Variants in CHDH observed in about 807,000 individuals in gnomAD.
CHDH encodes choline dehydrogenase, mitochondrial.
Under a neutral mutation model 56.9 loss-of-function variants are expected in CHDH, and 43 were observed. The observed-to-expected ratio is 0.76, with a 90% CI of 0.59 to 0.97. The LOEUF is 0.97. CHDH is among the 50% of genes least tolerant of loss of function. The pLI is 0.00. For missense variants in CHDH, 816 were observed against 821.1 expected, an observed-to-expected ratio of 0.99 and a Z score of 0.08; for synonymous variants, 364 against 348.5, an observed-to-expected ratio of 1.04 and a Z score of -0.50.
rs77710411 is a variant in CHDH, at chr3:53,842,110, A to C, written c.-130-1111T>G. On this transcript the variant is annotated intron_variant, in intron 1 of 8. Coordinates refer to ENST00000315251, the MANE Select transcript of CHDH (RefSeq NM_018397.5). ...ACTGCACTCCAGCCTTGGCAACAGG[A>C]CAACACTCTGTCTCAAAAAAAAAAA... Among the ~76,000 whole-genome samples, 899 of 151,644 alleles carry C rather than the reference A, an allele frequency of 5.9e-3. 23 individuals are homozygous for C. The East Asian group carries it at 0.098, about 16-fold the overall frequency.
At chr3:53,836,249 C>T (rs1698489922) in intron 2 of CHDH, among the ~76,000 whole-genome samples, 1 of 152,172 alleles carries the variant, frequency 6.6e-6, no homozygotes, top group Non-Finnish European at 1.5e-5. Context: ...CTCATGCCAC[C>T]CCCAACCCAG....
Position 53,845,186 on chromosome 3 carries a change from CAG to C in CHDH, c.-131+895_-131+896del, listed in dbSNP as rs145634082. Among the ~76,000 whole-genome samples, 678 of 152,334 alleles carry C rather than the reference CAG, an allele frequency of 4.5e-3. 13 individuals are homozygous for C. The East Asian group carries it at 0.058, about 13-fold the overall frequency. ...TCAACTGAGTTCCTTGGTCAGGAAA[CAG>C]AGCAATTCTCTGAAAATGCTACCTG... On this transcript the variant is annotated intron_variant, in intron 1 of 8. Transcript: ENST00000315251.
chr3:53,837,847 C>T (rs1317208463), intron 2 of CHDH, among the ~76,000 whole-genome samples: 1 of 152,030 alleles, frequency 6.6e-6, no homozygotes, highest in Non-Finnish European at 1.5e-5. Flanking sequence ...CACCTAAGGT[C>T]AGGAGTTCAA....
At position 53,821,717 on chromosome 3, in the gene CHDH, G is replaced by A. The variant is rs945939054; in HGVS notation, c.915C>T (p.Leu305=). The change falls in exon 5 of 9, where the codon CTC becomes CTT. Residue 305 remains leucine, a synonymous_variant. Coordinates refer to ENST00000315251, the MANE Select transcript of CHDH (RefSeq NM_018397.5). ...CAGCATTCCCGATGCCAGAGAGCAT[G>A]AGCAGCTGTGGAGAGTTGATGGCAC... ...SGGAINSPQL[L]MLSGIGNADD... is the part of the protein sequence containing the mutation. The A allele has an allele frequency of 5.0e-6, 8 of 1,613,974 alleles. No homozygotes were observed. In the Admixed American group the frequency reaches 5.0e-5, roughly 10 times the overall value.
chr3:53,821,176 G>A (rs1006155259), intron 5 of CHDH, among the ~76,000 whole-genome samples: 2 of 152,284 alleles, frequency 1.3e-5, no homozygotes, highest in African/African-American at 4.8e-5. Flanking sequence ...GCAAGAGACA[G>A]AGCCCGACCC....
Position 53,823,613 on chromosome 3 carries a change from TGAG to T in CHDH, c.393_395del (p.Ser133del). 2 of 1,543,830 alleles carry T rather than the reference TGAG, an allele frequency of 1.3e-6. No individual in the cohort carries two copies. The highest frequency in any genetic ancestry group is 1.7e-6 in the Non-Finnish European group (2 of 1,146,190). On this transcript the variant is annotated inframe_deletion, in exon 3 of 9. Transcript: ENST00000315251. ...GGACGTAGACCATGGCATTGAGGGATGAGGAGCCACCCCAGACGCGGCCGCGTG... is the reference window on the plus strand; with the variant it reads ...GGACGTAGACCATGGCATTGAGGGATGAGCCACCCCAGACGCGGCCGCGTG...
intron 2 of CHDH, among the ~76,000 whole-genome samples, chr3:53,834,894 T>G (rs1698449808): frequency 6.6e-6 from 1 of 152,206 alleles, no homozygotes; most frequent in Non-Finnish European, 1.5e-5. Flanking sequence ...GACAGAACTC[T>G]GGAGAGAGGC....
chr3:53,825,070 G>C (rs774546605), intron 2 of CHDH, among the ~76,000 whole-genome samples: 19 of 152,174 alleles, frequency 1.2e-4, no homozygotes, highest in Non-Finnish European at 2.6e-4. Flanking sequence ...CTGGAACACT[G>C]AGAAGAACTC....
intron 8 of CHDH, among the ~76,000 whole-genome samples, 198 bp from the exon 9 acceptor site, chr3:53,818,393 G>A (rs950088869): frequency 3.3e-5 from 5 of 152,186 alleles, no homozygotes; most frequent in Non-Finnish European, 7.4e-5. Flanking sequence ...GTAGCTCAAA[G>A]GTAGCATCCT....
Position 53,819,510 on chromosome 3 carries a change from C to T in CHDH, c.1263+22G>A, listed in dbSNP as rs373914197. 2.0e-5 allele frequency: 32 copies of T among 1,586,160 alleles called. No homozygotes were observed. Among genetic ancestry groups the T allele is most frequent in the Admixed American group, 1.6e-4 (9 of 55,982 alleles). On this transcript the variant is annotated intron_variant, in intron 7 of 8. Coordinates refer to ENST00000315251, the MANE Select transcript of CHDH (RefSeq NM_018397.5). The surrounding 1 kb of genome is among the most constrained non-coding windows in gnomAD (Gnocchi z 5.4). Reference sequence around the variant, plus strand: ...GTGGGAAGGAGACATCCTGGGAAGCCGAGGCTCTTCCACCTGCTCACCTGG... The same window carrying T: ...GTGGGAAGGAGACATCCTGGGAAGCTGAGGCTCTTCCACCTGCTCACCTGG...
At position 53,823,311 on chromosome 3, in the gene CHDH, T is replaced by C. The variant is rs1240114269; in HGVS notation, c.698A>G (p.His233Arg). Reference protein sequence around the residue: ...EGFGWMDMTIHEGKRWSAACA... With the variant: ...EGFGWMDMTIREGKRWSAACA... Reference sequence around the variant, plus strand: ...AAGAGAAGGGAGACCACTACCTTCATGGATGGTCATGTCCATCCAGCCGAA... The same window carrying C: ...AAGAGAAGGGAGACCACTACCTTCACGGATGGTCATGTCCATCCAGCCGAA... Residue 233 changes from histidine to arginine, a missense_variant, in exon 3 of 9, where the codon CAT (histidine) becomes CGT (arginine). Transcript: ENST00000315251. The C allele has an allele frequency of 1.9e-6, 3 of 1,555,774 alleles. No homozygotes were observed. The highest frequency in any genetic ancestry group is 2.6e-6 in the Non-Finnish European group (3 of 1,148,838).
chr3:53,822,918 G>A (rs2095630556), intron 3 of CHDH, among the ~76,000 whole-genome samples: 1 of 152,180 alleles, frequency 6.6e-6, no homozygotes, highest in Admixed American at 6.5e-5. Flanking sequence ...GAGCCTTCAA[G>A]AGGCAGGCAG....
chr3:53,823,394 G>T lies in CHDH; in HGVS notation c.615C>A (p.Ala205=). The T allele has an allele frequency of 6.2e-7, 1 of 1,605,160 alleles. No individual in the cohort carries two copies. The highest frequency in any genetic ancestry group is 1.7e-5 in the Admixed American group (1 of 59,230). ...TGAGCGGGTAGCCGGCCTGCTGCGT[G>T]GCCTCCAGGAATGCGCAGTGCAGCG... ...NHPLHCAFLE[A]TQQAGYPLTE... The change falls in exon 3 of 9, where the codon GCC becomes GCA. Residue 205 remains alanine, a synonymous_variant. Transcript: ENST00000315251.
chr3:53,833,551 TG>T (rs1000124129), intron 2 of CHDH, among the ~76,000 whole-genome samples: 10 of 152,166 alleles, frequency 6.6e-5, no homozygotes, highest in Non-Finnish European at 1.5e-4. Flanking sequence ...ATTGGCAGGA[TG>T]GAAGGTGGGC....
chr3:53,823,338 C>T lies in CHDH; in HGVS notation c.671G>A (p.Gly224Asp). ...GATGGTCATGTCCATCCAGCCGAAG[C>T]CCTCCTGCTGGAAGCCATTCATGTC... Reference protein sequence around the residue: ...TEDMNGFQQEGFGWMDMTIHE... With the variant: ...TEDMNGFQQEDFGWMDMTIHE... Residue 224 changes from glycine (G) to aspartate (D), a missense_variant, in exon 3 of 9, where the codon GGC becomes GAC. Transcript: ENST00000315251. 6.3e-7 allele frequency: 1 copy of T among 1,590,306 alleles called. No homozygotes were observed. The highest frequency in any genetic ancestry group is 2.3e-5 in the East Asian group (1 of 44,158).
rs1354715481 is a variant in CHDH, at chr3:53,823,196, CCCATGCCTCCTGA to C, written c.703+97_703+109del. ...TCCCGGTCGTGCCAGCCTCAGTCTG[CCCATGCCTCCTGA>C]CCATGCTGGAGCCAGGAGCCTGGAG... is the stretch of plus-strand genomic sequence containing the variant. On this transcript the variant is annotated intron_variant, in intron 3 of 8. Coordinates refer to ENST00000315251, the MANE Select transcript of CHDH (RefSeq NM_018397.5). 8 of 1,024,024 alleles carry C rather than the reference CCCATGCCTCCTGA, an allele frequency of 7.8e-6. No homozygotes were observed. The East Asian group carries it at 1.4e-4, about 17-fold the overall frequency. The allele number at this position is 1,024,024 out of a possible 1,614,324, so 63.4% of individuals were successfully genotyped here.
At chr3:53,836,696 A>G (rs1698507032) in intron 2 of CHDH, among the ~76,000 whole-genome samples, 1 of 152,194 alleles carries the variant, frequency 6.6e-6, no homozygotes, top group Middle Eastern at 3.2e-3. Flanking sequence ...GGCCAAGGGG[A>G]CACATGCAGG....
chr3:53,821,799 A>G (rs755185462), intron 4 of CHDH, 23 bp from the exon 5 acceptor site: 8 of 1,611,226 alleles, frequency 5.0e-6, no homozygotes, highest in Non-Finnish European at 6.8e-6. Context: ...CAGCCAGGTC[A>G]CTCCCTGAAA....
In CHDH at chr3:53,817,332, G is replaced by C. The variant is rs2095617569; in HGVS notation, c.*445C>G. ...AACTACTGTGTGACTTACTGCCTCA[G>C]CTAAAGCTTGCAGCTCAAGAAGGAG... On this transcript the variant is annotated 3_prime_UTR_variant, in exon 9 of 9. Coordinates refer to ENST00000315251, the MANE Select transcript of CHDH (RefSeq NM_018397.5). 1 of 168,972 alleles carries C rather than the reference G, an allele frequency of 5.9e-6. No individual in the cohort carries two copies. Among genetic ancestry groups the C allele is most frequent in the South Asian group, 1.6e-4 (1 of 6,098 alleles). The allele number at this position is 168,972 out of a possible 1,614,324, so 10.5% of individuals were successfully genotyped here. A position where few individuals can be genotyped will look rare whatever the true frequency, so the allele number is the denominator to read the frequency against.
Sources: gnomAD v4.1 joint callset for allele counts (sites outside exome capture counted in the v4.1 genomes callset) on GRCh38, gnomAD v4.1.1 for gene constraint, Gnocchi (gnomAD v3.1) non-coding constraint, MANE v1.5 for transcripts, NCBI Gene and HGNC (gene_info 2026-07-23, HGNC 2026-07-21) for gene names.